DSCAM: variants seen among roughly 807,000 people sequenced by gnomAD.
The protein encoded by DSCAM is DS cell adhesion molecule.
Under a neutral mutation model 217.7 loss-of-function variants are expected in DSCAM, and 47 were observed. The ratio of observed to expected loss-of-function variants is 0.22; its 90% CI spans 0.17 to 0.28. DSCAM has a LOEUF of 0.28. Ranked by LOEUF, DSCAM falls within the 10% of genes least tolerant of loss-of-function variation. The pLI is 1.00. For missense variants in DSCAM, 2,080 were observed against 2,618.3 expected (o/e 0.79, Z 4.49); for synonymous variants, 1,056 against 1,015.3 (o/e 1.04, Z -0.76).
At chr21:40,649,907 G>C (rs113623834) in intron 3 of DSCAM, among the ~76,000 whole-genome samples, 2,685 of 152,288 alleles carry the variant, frequency 0.018, 94 homozygotes, top group African/African-American at 0.062. Flanking sequence ...AGACAGAGTA[G>C]AGTTTGCTCC....
At chr21:40,519,133 G>T (rs918208550) in intron 3 of DSCAM, among the ~76,000 whole-genome samples, 2 of 152,088 alleles carry the variant, frequency 1.3e-5, no homozygotes, top group African/African-American at 2.4e-5. Flanking sequence ...TTATGAATCT[G>T]GTAATTCAAG....
At chr21:40,115,668 G>C (rs932260469) in intron 20 of DSCAM, among the ~76,000 whole-genome samples, 1 of 152,184 alleles carries the variant, frequency 6.6e-6, no homozygotes, top group Non-Finnish European at 1.5e-5. Context: ...TGCTGGTGAG[G>C]TTGTGGAGAA....
At chr21:40,054,854 T>C (rs1030153166) in intron 29 of DSCAM, among the ~76,000 whole-genome samples, 5 of 152,200 alleles carry the variant, frequency 3.3e-5, no homozygotes, top group African/African-American at 1.2e-4. Context: ...TACACAGACC[T>C]CTCTACATCT....
rs2089551278 is a variant in DSCAM at position 40,087,743 on chromosome 21, C to T, written c.3851-456G>A. 4.6e-5 allele frequency among the ~76,000 whole-genome samples: 7 copies of T among 152,352 alleles called. No homozygotes were observed. In the South Asian group the frequency reaches 1.4e-3, roughly 32 times the overall value. Reference sequence around the variant, plus strand: ...TGGAACAAGTTCTACTTAACAATTTCCCGACTGTATTATAGCAAGTTGATC... The same window carrying T: ...TGGAACAAGTTCTACTTAACAATTTTCCGACTGTATTATAGCAAGTTGATC... On this transcript the variant is annotated intron_variant, in intron 21 of 32. Coordinates refer to ENST00000400454, the MANE Select transcript of DSCAM (RefSeq NM_001389.5).
chr21:40,306,923 C>T (rs1321480333), intron 9 of DSCAM, among the ~76,000 whole-genome samples: 1 of 151,940 alleles, frequency 6.6e-6, no homozygotes, highest in Non-Finnish European at 1.5e-5. Flanking sequence ...TGTGTCTCTG[C>T]CCAGCTTTGG....
At chr21:40,668,891 CAAAG>C (rs2090235583) in intron 3 of DSCAM, among the ~76,000 whole-genome samples, 1 of 148,974 alleles carries the variant, frequency 6.7e-6, no homozygotes, top group Admixed American at 6.8e-5. Context: ...GGGAAAAAAA[CAAAG>C]AAAAGATACA....
chr21:40,428,198 G>A (rs1027100561), intron 3 of DSCAM, among the ~76,000 whole-genome samples: 3 of 150,918 alleles, frequency 2.0e-5, no homozygotes, highest in Non-Finnish European at 2.9e-5. Context: ...CAACAAAGGC[G>A]CTGGCCTCAA....
intron 1 of DSCAM, among the ~76,000 whole-genome samples, chr21:40,718,496 G>A (rs1456759151): frequency 6.6e-6 from 1 of 152,322 alleles, no homozygotes; most frequent in East Asian, 1.9e-4. Context: ...ATGGTTGGCA[G>A]CAGGTAAAGG....
At chr21:40,111,252 G>A (rs1462758341) in intron 20 of DSCAM, among the ~76,000 whole-genome samples, 3 of 151,890 alleles carry the variant, frequency 2.0e-5, no homozygotes, top group African/African-American at 4.8e-5. Context: ...GAGAGTGGGG[G>A]CCAATATTCA....
At chr21:40,532,699 A>C (rs919783382) in intron 3 of DSCAM, among the ~76,000 whole-genome samples, 1 of 152,216 alleles carries the variant, frequency 6.6e-6, no homozygotes, top group African/African-American at 2.4e-5. Context: ...ATGAGGGGAC[A>C]TAAGTACAGA....
At chr21:40,234,220 G>C (rs1393014687) in intron 11 of DSCAM, among the ~76,000 whole-genome samples, 1 of 152,188 alleles carries the variant, frequency 6.6e-6, no homozygotes, top group Non-Finnish European at 1.5e-5. Flanking sequence ...AGGTAAATTT[G>C]AGTAATTCTA....
At chr21:40,768,617 GTGTT>G (rs1284692547) in intron 1 of DSCAM, among the ~76,000 whole-genome samples, 4 of 152,276 alleles carry the variant, frequency 2.6e-5, no homozygotes, top group African/African-American at 4.8e-5. Flanking sequence ...CCATTTCCAG[GTGTT>G]TGTTAGTTTT....
At chr21:40,201,918 G>A (rs2091074318) in intron 11 of DSCAM, among the ~76,000 whole-genome samples, 1 of 152,094 alleles carries the variant, frequency 6.6e-6, no homozygotes, top group South Asian at 2.1e-4. Flanking sequence ...ATGAGCCATG[G>A]GTTAGCCAGT....
intron 17 of DSCAM, among the ~76,000 whole-genome samples, chr21:40,143,492 C>T (rs1321738888): frequency 1.3e-5 from 2 of 152,212 alleles, no homozygotes; most frequent in Middle Eastern, 3.2e-3. Flanking sequence ...TATCTGCCTC[C>T]GCAAACCTGT....
rs146334438 is a variant in DSCAM, at chr21:40,414,273, A to T, written c.509-45028T>A. On this transcript the variant is annotated intron_variant, in intron 3 of 32. Coordinates refer to ENST00000400454, the MANE Select transcript of DSCAM (RefSeq NM_001389.5). ...TCTAGCACATATAAGAGTTCTTAGA[A>T]CTCGACTATAAGAAAACAAAAGTCT... Among the ~76,000 whole-genome samples the T allele has an allele frequency of 6.9e-3, 1,044 of 152,346 alleles. 22 individuals carry two copies. Among genetic ancestry groups the T allele is most frequent in the East Asian group, 0.025 (132 of 5,188 alleles).
At chr21:40,133,484 A>G (rs1010731705) in intron 19 of DSCAM, among the ~76,000 whole-genome samples, 1 of 152,234 alleles carries the variant, frequency 6.6e-6, no homozygotes, top group African/African-American at 2.4e-5. Context: ...GGATTTAATC[A>G]GAGTTTACAC....
At chr21:40,386,690 A>G (rs1023388933) in intron 3 of DSCAM, among the ~76,000 whole-genome samples, 2 of 152,232 alleles carry the variant, frequency 1.3e-5, no homozygotes, top group African/African-American at 2.4e-5. Context: ...CTATGTTTAC[A>G]CTTCTTGGGT....
In DSCAM at chr21:40,337,995, C is replaced by G. The variant is rs979890984; in HGVS notation, c.1783+106G>C. On this transcript the variant is annotated intron_variant, in intron 8 of 32. Transcript: ENST00000400454. ...TCATTCTTCAGCCTGTACAATTATC[C>G]TGCTCTAAATAAGCAGATCTTGGAT... is the stretch of plus-strand genomic sequence containing the variant. The G allele has an allele frequency of 2.2e-6, 3 of 1,389,410 alleles. No individual in the cohort carries two copies. The African/African-American group carries it at 4.3e-5, about 20-fold the overall frequency. The allele number at this position is 1,389,410 out of a possible 1,614,324, so 86.1% of individuals were successfully genotyped here.
chr21:40,163,441 T>C (rs147446304), intron 16 of DSCAM, among the ~76,000 whole-genome samples: 161 of 152,340 alleles, frequency 1.1e-3, no homozygotes, highest in African/African-American at 3.7e-3. Flanking sequence ...TTTATTGTCA[T>C]TTACTTTTAA....
Sources: gnomAD v4.1 joint callset for allele counts (sites outside exome capture counted in the v4.1 genomes callset) on GRCh38, gnomAD v4.1.1 for gene constraint, MANE v1.5 for transcripts, NCBI Gene and HGNC (gene_info 2026-07-23, HGNC 2026-07-21) for gene names.